Variants in PKIB observed in about 807,000 individuals in gnomAD.
The protein encoded by PKIB is cAMP-dependent protein kinase inhibitor beta.
Under a neutral mutation model 4.5 loss-of-function variants are expected in PKIB, and 2 were observed. The observed-to-expected ratio is 0.44, with a 90% CI of 0.18 to 1.39. The LOEUF is 1.39. Among genes scored for constraint, PKIB ranks in the 40% most tolerant of loss-of-function variants. PKIB has a pLI of 0.27. For missense variants in PKIB, 94 were observed against 92.6 expected (o/e 1.02, Z -0.06); for synonymous variants, 38 against 36.0 (o/e 1.06, Z -0.20).
intron 3 of PKIB, among the ~76,000 whole-genome samples, chr6:122,700,334 C>G (rs2115024945): frequency 6.8e-6 from 1 of 148,018 alleles, no homozygotes; most frequent in African/African-American, 2.5e-5. Context: ...TCCTCTTTAC[C>G]CTGATGATAC....
At chr6:122,653,352 T>C (rs1447486607) in intron 2 of PKIB, among the ~76,000 whole-genome samples, 1 of 152,064 alleles carries the variant, frequency 6.6e-6, no homozygotes, top group Non-Finnish European at 1.5e-5. Flanking sequence ...ACCCAAGCTC[T>C]TGTGATTTGC....
chr6:122,509,940 A>T (rs111777251), intron 2 of PKIB, among the ~76,000 whole-genome samples: 1 of 150,038 alleles, frequency 6.7e-6, no homozygotes, highest in African/African-American at 2.5e-5. Flanking sequence ...TAATTCTTTT[A>T]TGGCCTTGGG....
intron 2 of PKIB, among the ~76,000 whole-genome samples, chr6:122,510,412 A>G (rs538841725): frequency 6.6e-6 from 1 of 152,342 alleles, no homozygotes; most frequent in East Asian, 1.9e-4. Context: ...CTTTTCAATG[A>G]TATCTGGCTG....
intron 1 of PKIB, among the ~76,000 whole-genome samples, chr6:122,620,427 A>G (rs1454343298): frequency 6.6e-6 from 1 of 152,238 alleles, no homozygotes; most frequent in Non-Finnish European, 1.5e-5. Context: ...TTATAGACTA[A>G]GAATTCTCTC....
upstream of PKIB, among the ~76,000 whole-genome samples, chr6:122,608,156 ATC>A: frequency 6.6e-6 from 1 of 152,238 alleles, no homozygotes; most frequent in African/African-American, 2.4e-5. Context: ...ACTACAACTT[ATC>A]TCTCTCATTT....
At chr6:122,661,043 A>G (rs1213103696) in intron 2 of PKIB, among the ~76,000 whole-genome samples, 1 of 152,148 alleles carries the variant, frequency 6.6e-6, no homozygotes, top group Non-Finnish European at 1.5e-5. Flanking sequence ...AAAAAATAAA[A>G]TAACCTCAAT....
At chr6:122,697,407 G>A (rs1347595171) in intron 3 of PKIB, among the ~76,000 whole-genome samples, 1 of 151,870 alleles carries the variant, frequency 6.6e-6, no homozygotes, top group Non-Finnish European at 1.5e-5. Flanking sequence ...TGATAACTGA[G>A]ACTTTTAGGG....
intron 2 of PKIB, among the ~76,000 whole-genome samples, chr6:122,667,690 G>A (rs901384809): frequency 3.3e-5 from 5 of 152,148 alleles, no homozygotes; most frequent in Non-Finnish European, 7.3e-5. Context: ...AAAATTAAAA[G>A]TTACTTCTTT....
chr6:122,546,317 G>T (rs570075745), intron 2 of PKIB, among the ~76,000 whole-genome samples: 1 of 151,058 alleles, frequency 6.6e-6, no homozygotes, highest in Non-Finnish European at 1.5e-5. Context: ...ACCTGGAGCC[G>T]TGCTCATCAC....
intron 1 of PKIB, among the ~76,000 whole-genome samples, chr6:122,632,601 C>CA (rs2114823400): frequency 6.6e-6 from 1 of 152,128 alleles, no homozygotes; most frequent in Admixed American, 6.5e-5. Context: ...ATATGATCTG[C>CA]AAAAAATATG....
At chr6:122,666,995 TA>T (rs139934394) in intron 2 of PKIB, among the ~76,000 whole-genome samples, 1 of 152,240 alleles carries the variant, frequency 6.6e-6, no homozygotes, top group East Asian at 1.9e-4. Flanking sequence ...AGAGAATGTT[TA>T]ATGCATCTAG....
intron 1 of PKIB, among the ~76,000 whole-genome samples, chr6:122,632,341 G>T (rs1775737100): frequency 6.6e-6 from 1 of 152,122 alleles, no homozygotes; most frequent in South Asian, 2.1e-4. Flanking sequence ...TCTAGAAAAA[G>T]AAACAGATGA....
chr6:122,717,220 C>T (rs1295276002), intron 3 of PKIB, among the ~76,000 whole-genome samples: 1 of 152,136 alleles, frequency 6.6e-6, no homozygotes, highest in Non-Finnish European at 1.5e-5. Flanking sequence ...ACTCTTCAAC[C>T]ATTACCATGA....
intron 3 of PKIB, among the ~76,000 whole-genome samples, chr6:122,594,848 C>T (rs750993668): frequency 2.6e-5 from 4 of 152,098 alleles, no homozygotes; most frequent in Admixed American, 1.3e-4. Flanking sequence ...GTATTCCATG[C>T]GTACATTTCT....
In PKIB at chr6:122,569,675, G is replaced by C. The variant is rs559250107; in HGVS notation, c.-247-16246G>C. 3.9e-5 allele frequency among the ~76,000 whole-genome samples: 6 copies of C among 152,264 alleles called. No individual in the cohort carries two copies. The South Asian group carries it at 1.2e-3, about 32-fold the overall frequency. On this transcript the variant is annotated intron_variant, in intron 2 of 6. Transcript: ENST00000392491. ...CTGAATCCCTTGCAGACATTCCTCA[G>C]CACCAGTCTGGAGTCTGGTAACTCC...
intron 1 of PKIB, among the ~76,000 whole-genome samples, chr6:122,472,758 T>C (rs1472245805): frequency 1.8e-4 from 27 of 152,226 alleles, no homozygotes; most frequent in Admixed American, 1.8e-3. Flanking sequence ...AATCTTGCTT[T>C]ATTCTTCTTT....
At chr6:122,572,309 G>A (rs990533368) in intron 2 of PKIB, among the ~76,000 whole-genome samples, 4 of 151,594 alleles carry the variant, frequency 2.6e-5, no homozygotes, top group African/African-American at 9.7e-5. Context: ...ATTACTGCTA[G>A]ATCTAAAAGC....
At position 122,599,838 on chromosome 6, in the gene PKIB, A is replaced by T. The variant is rs184929284; in HGVS notation, c.-161+13831A>T. On this transcript the variant is annotated intron_variant, in intron 3 of 6. Coordinates refer to the PKIB transcript ENST00000392491. ...GTCCCTAGCATTTTTGGGTCTAATC[A>T]TATTAAGCAGCCAACTCCAGAAACC... 2.0e-5 allele frequency among the ~76,000 whole-genome samples: 3 copies of T among 152,242 alleles called. No individual in the cohort carries two copies. The East Asian group carries it at 5.8e-4, about 29-fold the overall frequency.
At chr6:122,496,303 G>A (rs1384768773) in intron 2 of PKIB, among the ~76,000 whole-genome samples, 2 of 152,136 alleles carry the variant, frequency 1.3e-5, no homozygotes, top group African/African-American at 2.4e-5. Context: ...GAAAGAACTA[G>A]TATAAGAATT....
Sources: gnomAD v4.1 joint callset for allele counts (sites outside exome capture counted in the v4.1 genomes callset) on GRCh38, gnomAD v4.1.1 for gene constraint, MANE v1.5 for transcripts, NCBI Gene and HGNC (gene_info 2026-07-23, HGNC 2026-07-21) for gene names.